NCOA1: variants seen among roughly 807,000 people sequenced by gnomAD.
NCOA1 encodes Hin-2 protein.
Under a neutral mutation model 150.9 loss-of-function variants are expected in NCOA1, and 35 were observed. The observed-to-expected ratio is 0.23, with a 90% confidence interval of 0.18 to 0.31. NCOA1 has a LOEUF of 0.31. NCOA1 is among the 10% of genes least tolerant of loss of function. The pLI is 1.00. For synonymous variants in NCOA1, 590 were observed against 630.0 expected, an observed-to-expected ratio of 0.94 and a Z score of 0.95; for missense variants, 1,491 against 1,749.3, an observed-to-expected ratio of 0.85 and a Z score of 2.63.
At chr2:24,567,600 G>A (rs1041107867) in intron 2 of NCOA1, among the ~76,000 whole-genome samples, 1 of 152,176 alleles carries the variant, frequency 6.6e-6, no homozygotes, top group African/African-American at 2.4e-5. Flanking sequence ...CCCTTTCTAA[G>A]TAATATACTT....
chr2:24,714,361 CCAAA>C (rs56326332), intron 14 of NCOA1, among the ~76,000 whole-genome samples: 1,910 of 151,720 alleles, frequency 0.013, 19 homozygotes, highest in Non-Finnish European at 0.019. Flanking sequence ...TGACCCATAC[CCAAA>C]CAAAGTCAGT....
At chr2:24,693,152 C>A in intron 9 of NCOA1, 100 bp from the exon 10 acceptor site, 4 of 1,191,222 alleles carry the variant, frequency 3.4e-6, no homozygotes, top group Non-Finnish European at 5.0e-6. Context: ...CCACGTCTGG[C>A]CAACATGTAT....
At chr2:24,506,829 C>G (rs1663716695) in intron 1 of NCOA1, among the ~76,000 whole-genome samples, 1 of 152,062 alleles carries the variant, frequency 6.6e-6, no homozygotes, top group Admixed American at 6.6e-5. Flanking sequence ...TAGAAAGAAT[C>G]AGTTTTTACT....
chr2:24,497,197 T>G (rs563539676), intron 1 of NCOA1, among the ~76,000 whole-genome samples: 7 of 152,308 alleles, frequency 4.6e-5, no homozygotes, highest in African/African-American at 1.2e-4. Context: ...GTGGAAATCA[T>G]ATTCATACCT....
At chr2:24,570,593 G>A (rs150324942) in intron 2 of NCOA1, among the ~76,000 whole-genome samples, 2 of 152,258 alleles carry the variant, frequency 1.3e-5, no homozygotes, top group African/African-American at 4.8e-5. Flanking sequence ...ATGAATTCCT[G>A]AACCTAAGCA....
chr2:24,561,613 C>T (rs1196613493), intron 1 of NCOA1, among the ~76,000 whole-genome samples: 1 of 152,052 alleles, frequency 6.6e-6, no homozygotes, highest in Non-Finnish European at 1.5e-5. Flanking sequence ...GTTTTAGAAG[C>T]AGTAGTAGTA....
chr2:24,628,116 A>C (rs950493379), intron 3 of NCOA1, among the ~76,000 whole-genome samples: 1 of 152,094 alleles, frequency 6.6e-6, no homozygotes, highest in Non-Finnish European at 1.5e-5. Context: ...CTTGGCCAAC[A>C]TGTTGAAACC....
At chr2:24,658,303 C>T (rs897697867) in intron 4 of NCOA1, among the ~76,000 whole-genome samples, 4 of 152,124 alleles carry the variant, frequency 2.6e-5, no homozygotes, top group Non-Finnish European at 5.9e-5. Context: ...ATTTCTCTGA[C>T]TCCAGTTCAA....
chr2:24,716,610 A>C (rs1375804308), intron 14 of NCOA1, among the ~76,000 whole-genome samples: 2 of 152,046 alleles, frequency 1.3e-5, no homozygotes, highest in East Asian at 1.9e-4. Flanking sequence ...GCTTTTCAAC[A>C]AAAAAAAGTC....
Position 24,768,878 on chromosome 2 carries a change from C to CCAGGCAGCT in NCOA1, c.*488_*496dup, listed in dbSNP as rs1665200230. 4.5e-6 allele frequency: 1 copy of CCAGGCAGCT among 223,138 alleles called. No homozygotes were observed. The highest frequency in any genetic ancestry group is 9.0e-6 in the Non-Finnish European group (1 of 111,514). 13.8% of individuals were successfully genotyped at this position (223,138 alleles called of 1,614,324 possible). ...ATCAGCAGCCCTCCCCATCCCAATC[C>CCAGGCAGCT]CAGGCAGCTTGTGTGTACAATCAGC... On this transcript the variant is annotated 3_prime_UTR_variant, in exon 23 of 23. Coordinates refer to ENST00000348332, the MANE Select transcript of NCOA1 (RefSeq NM_003743.5).
At chr2:24,548,471 C>T (rs547148768) in intron 1 of NCOA1, among the ~76,000 whole-genome samples, 4 of 152,324 alleles carry the variant, frequency 2.6e-5, no homozygotes, top group Non-Finnish European at 1.5e-5. Flanking sequence ...CCAAATCTTG[C>T]ATCCTCACAT....
chr2:24,608,971 G>A (rs1372740366), intron 3 of NCOA1, among the ~76,000 whole-genome samples: 2 of 151,978 alleles, frequency 1.3e-5, no homozygotes, highest in Non-Finnish European at 2.9e-5. Context: ...CATTTTAGGG[G>A]GCACATAATA....
intron 3 of NCOA1, among the ~76,000 whole-genome samples, chr2:24,609,771 C>G (rs971717372): frequency 6.6e-6 from 1 of 151,760 alleles, no homozygotes; most frequent in Non-Finnish European, 1.5e-5. Flanking sequence ...ACTTCTTAGA[C>G]ATTTAGCTCA....
intron 17 of NCOA1, among the ~76,000 whole-genome samples, chr2:24,733,868 T>C (rs1001024427): frequency 6.6e-5 from 10 of 151,656 alleles, no homozygotes; most frequent in Non-Finnish European, 1.5e-4. Context: ...TAATGGCAAT[T>C]CTTTTTACTA....
intron 1 of NCOA1, among the ~76,000 whole-genome samples, chr2:24,555,840 T>C (rs1432659408): frequency 1.3e-5 from 2 of 152,222 alleles, no homozygotes; most frequent in Non-Finnish European, 2.9e-5. Flanking sequence ...ACCTTGTAGA[T>C]AGGATGTAGT....
At chr2:24,760,952 A>G (rs1045387460) in intron 21 of NCOA1, among the ~76,000 whole-genome samples, 4 of 152,020 alleles carry the variant, frequency 2.6e-5, no homozygotes, top group Admixed American at 2.0e-4. Context: ...GGTTCAAGCA[A>G]TTCTCCTGCC....
chr2:24,590,735 AG>A (rs1667619627), intron 3 of NCOA1, among the ~76,000 whole-genome samples: 1 of 152,202 alleles, frequency 6.6e-6, no homozygotes, highest in South Asian at 2.1e-4. Flanking sequence ...AGCTCAATGC[AG>A]GGAATCAGAC....
chr2:24,627,267 T>G (rs899190641), intron 3 of NCOA1, among the ~76,000 whole-genome samples: 2 of 151,968 alleles, frequency 1.3e-5, no homozygotes, highest in African/African-American at 2.4e-5. Context: ...ATAATTAAAC[T>G]TTGCATCCCC....
intron 3 of NCOA1, among the ~76,000 whole-genome samples, chr2:24,588,151 C>T (rs1667496512): frequency 6.6e-6 from 1 of 152,006 alleles, no homozygotes; most frequent in African/African-American, 2.4e-5. Context: ...GTAGTGTGAT[C>T]ATGGCTCACT....
Sources: allele counts gnomAD v4.1 joint callset (sites outside exome capture counted in the v4.1 genomes callset), GRCh38; gene constraint gnomAD v4.1.1; transcripts MANE v1.5; gene names NCBI Gene and HGNC (gene_info 2026-07-23, HGNC 2026-07-21).